The following IRAK2 variants were observed in gnomAD, a reference collection of about 807,000 sequenced individuals.
IRAK2 encodes the protein interleukin-1 receptor-associated kinase-like 2.
IRAK2 carries 57 observed loss-of-function variants against 72.0 expected under a neutral mutation model. The observed-to-expected ratio is 0.79, with a 90% CI of 0.64 to 0.99. The LOEUF (loss-of-function observed/expected upper bound fraction) is 0.99, where lower values mean the gene tolerates loss of function less well. IRAK2 is among the 50% of genes least tolerant of loss of function. IRAK2 has a pLI of 0.00. For synonymous variants in IRAK2, 293 were observed against 312.7 expected, an observed-to-expected ratio of 0.94 and a Z score of 0.67; for missense variants, 790 against 794.4, an observed-to-expected ratio of 0.99 and a Z score of 0.07.
At chr3:10,226,343 AT>A in intron 9 of IRAK2, 27 bp from the exon 10 acceptor site, 1 of 1,602,362 alleles carries the variant, frequency 6.2e-7, no homozygotes, top group South Asian at 1.1e-5. Context: ...CGTCTGAACC[AT>A]GCTAACTCAC....
chr3:10,175,452 G>C (rs1696858488), intron 1 of IRAK2, among the ~76,000 whole-genome samples: 1 of 152,112 alleles, frequency 6.6e-6, no homozygotes, highest in African/African-American at 2.4e-5. Flanking sequence ...TAATAAATAA[G>C]ACCAGGATGC....
At chr3:10,181,881 T>C (rs1243682180) in intron 2 of IRAK2, among the ~76,000 whole-genome samples, 3 of 152,204 alleles carry the variant, frequency 2.0e-5, no homozygotes, top group Non-Finnish European at 2.9e-5. Context: ...CCTCCCTGGA[T>C]ACACACTTAG....
chr3:10,182,044 C>T lies in IRAK2; in HGVS notation c.277+4024C>T, dbSNP rs140327972. 4.2e-3 allele frequency among the ~76,000 whole-genome samples: 631 copies of T among 150,316 alleles called. 11 individuals carry two copies. The highest frequency in any genetic ancestry group is 0.014 in the African/African-American group (570 of 40,930). On this transcript the variant is annotated intron_variant, in intron 2 of 12. Coordinates refer to ENST00000256458, the MANE Select transcript of IRAK2 (RefSeq NM_001570.4). ...GTGCAGTGGCGCAATCTTGGCTCAC[C>T]GCAACCTCTGCCTCCCAGGTTCAAG...
At chr3:10,186,396 G>A (rs1016123928) in intron 2 of IRAK2, among the ~76,000 whole-genome samples, 4 of 151,698 alleles carry the variant, frequency 2.6e-5, no homozygotes, top group Non-Finnish European at 5.9e-5. Context: ...AATCACAGCC[G>A]AAGATCCAGC....
rs368150988 is a variant in IRAK2, at chr3:10,205,643, G to T, written c.425-3946G>T. Among the ~76,000 whole-genome samples, 16 of 152,370 alleles carry T rather than the reference G, an allele frequency of 1.1e-4. No homozygotes were observed. The East Asian group carries it at 2.9e-3, about 28-fold the overall frequency. On this transcript the variant is annotated intron_variant, in intron 3 of 12. Coordinates refer to ENST00000256458, the MANE Select transcript of IRAK2 (RefSeq NM_001570.4). ...ATGGAACTCAAGTTAGTCTGGAGCA[G>T]CGGTTCCCAGTGTGGGGCCCACACC...
In IRAK2 at chr3:10,226,386, C is replaced by G; in HGVS notation, c.1225C>G (p.Leu409Val). The G allele has an allele frequency of 6.2e-7, 1 of 1,613,602 alleles. No homozygotes were observed. The highest frequency in any genetic ancestry group is 8.5e-7 in the Non-Finnish European group (1 of 1,179,802). ...TTCTCTCCAGGTGTTGGCCGAGGTC[C>G]TCACGGGCATCCCTGCAATGGATAA... ...FSCGIVLAEV[L>V]TGIPAMDNNR... Residue 409 changes from leucine to valine, a missense_variant, in exon 10 of 13, where the codon CTC becomes GTC. Physicochemically the swap from Leu to Val is conservative, Grantham distance 32 (BLOSUM62 1). Coordinates refer to ENST00000256458, the MANE Select transcript of IRAK2 (RefSeq NM_001570.4).
At chr3:10,171,530 G>T (rs1351460768) in intron 1 of IRAK2, among the ~76,000 whole-genome samples, 1 of 152,158 alleles carries the variant, frequency 6.6e-6, no homozygotes, top group East Asian at 1.9e-4. Flanking sequence ...GTTTTCTACT[G>T]CCTCGGGTGA....
intron 11 of IRAK2, among the ~76,000 whole-genome samples, chr3:10,235,188 C>T (rs1027373211): frequency 6.6e-6 from 1 of 152,188 alleles, no homozygotes; most frequent in Non-Finnish European, 1.5e-5. Context: ...TGTGCTCAGC[C>T]CATGCACTAG....
intron 2 of IRAK2, among the ~76,000 whole-genome samples, chr3:10,192,417 A>G (rs761346088): frequency 1.3e-5 from 2 of 152,236 alleles, no homozygotes; most frequent in Non-Finnish European, 2.9e-5. Flanking sequence ...GTGACGGCCC[A>G]GGCCCCGTCA....
intron 6 of IRAK2, among the ~76,000 whole-genome samples, chr3:10,214,896 A>G (rs766689957): frequency 6.6e-6 from 1 of 151,902 alleles, no homozygotes; most frequent in Non-Finnish European, 1.5e-5. Context: ...GGAGTTCAAG[A>G]TCAGCTGGGC....
intron 9 of IRAK2, among the ~76,000 whole-genome samples, chr3:10,225,751 T>C (rs1697763524): frequency 6.7e-6 from 1 of 150,032 alleles, no homozygotes; most frequent in South Asian, 2.1e-4. Flanking sequence ...CAGGCTGGAG[T>C]GCAGTGGTGC....
chr3:10,194,287 C>G (rs1025146679), intron 2 of IRAK2, among the ~76,000 whole-genome samples: 3 of 152,272 alleles, frequency 2.0e-5, no homozygotes, highest in Non-Finnish European at 2.9e-5. Flanking sequence ...GATCCTAGTT[C>G]TACTCTTTGA....
intron 9 of IRAK2, among the ~76,000 whole-genome samples, chr3:10,223,804 G>C (rs1475074087): frequency 6.6e-6 from 1 of 152,176 alleles, no homozygotes; most frequent in Non-Finnish European, 1.5e-5. Flanking sequence ...GCTGCCCCTT[G>C]GGCCTCACCC....
At chr3:10,206,274 C>T (rs190338531) in intron 3 of IRAK2, among the ~76,000 whole-genome samples, 3 of 152,186 alleles carry the variant, frequency 2.0e-5, no homozygotes, top group African/African-American at 7.2e-5. Flanking sequence ...TGGGGAACAG[C>T]CCCTGGGAAG....
intron 1 of IRAK2, among the ~76,000 whole-genome samples, chr3:10,173,690 G>A (rs1334857840): frequency 6.6e-6 from 1 of 152,094 alleles, no homozygotes; most frequent in Non-Finnish European, 1.5e-5. Flanking sequence ...CGAGAGTGGT[G>A]GCACATGCCC....
chr3:10,199,851 C>T (rs575463702), intron 2 of IRAK2, among the ~76,000 whole-genome samples: 1 of 150,758 alleles, frequency 6.6e-6, no homozygotes, highest in Non-Finnish European at 1.5e-5. Flanking sequence ...CAGAGCTCCA[C>T]CTTCACCAGG....
At chr3:10,204,523 C>T (rs1002213854) in intron 3 of IRAK2, among the ~76,000 whole-genome samples, 3 of 152,070 alleles carry the variant, frequency 2.0e-5, no homozygotes, top group South Asian at 2.1e-4. Flanking sequence ...CCAAGGCAGT[C>T]GGATCACCTC....
At chr3:10,165,436 T>G (rs921604339) in intron 1 of IRAK2, among the ~76,000 whole-genome samples, 19 of 151,288 alleles carry the variant, frequency 1.3e-4, no homozygotes, top group African/African-American at 3.4e-4. Context: ...TGGGGGGGTG[T>G]GTGTGTGTGT....
At chr3:10,189,340 G>T (rs1044435415) in intron 2 of IRAK2, among the ~76,000 whole-genome samples, 3 of 152,240 alleles carry the variant, frequency 2.0e-5, no homozygotes, top group African/African-American at 7.2e-5. Flanking sequence ...GACAGGGCAG[G>T]GTCAGGCCAC....
Sources: allele counts gnomAD v4.1 joint callset (sites outside exome capture counted in the v4.1 genomes callset), GRCh38; gene constraint gnomAD v4.1.1; transcripts MANE v1.5; gene names NCBI Gene and HGNC (gene_info 2026-07-23, HGNC 2026-07-21).